TAOK3: variants seen among roughly 807,000 people sequenced by gnomAD.
TAOK3 encodes TAO kinase 3.
In TAOK3, 40 loss-of-function variants were observed where a neutral mutation model predicts 120.4. The ratio of observed to expected loss-of-function variants is 0.33; its 90% CI spans 0.26 to 0.43. The LOEUF (loss-of-function observed/expected upper bound fraction) is 0.43. Ranked by LOEUF, TAOK3 falls within the 20% of genes least tolerant of loss-of-function variation. TAOK3 has a pLI of 1.00. For synonymous variants in TAOK3, 355 were observed against 387.5 expected, an observed-to-expected ratio of 0.92 and a Z score of 0.99; for missense variants, 821 against 1,112.1, an observed-to-expected ratio of 0.74 and a Z score of 3.72.
chr12:118,293,502 C>G (rs2042558802), intron 1 of TAOK3, among the ~76,000 whole-genome samples: 1 of 151,128 alleles, frequency 6.6e-6, no homozygotes, highest in South Asian at 2.1e-4. Flanking sequence ...CATTAGAAAC[C>G]CAGTTTCTAA....
At position 118,189,844 on chromosome 12, in the gene TAOK3, T is replaced by C. The variant is rs778549752; in HGVS notation, c.1292A>G (p.Asn431Ser). Residue 431 changes from asparagine to serine, a missense_variant, in exon 14 of 21, where the codon AAC becomes AGC. Physicochemically the swap from Asn to Ser is conservative, Grantham distance 46. Around this residue, in one of 2 missense-constraint regions of TAOK3, gnomAD observed 467 missense variants for 540.0 expected, o/e 0.86. Transcript: ENST00000392533. Reference sequence around the variant, plus strand: ...TTTGATCGTGGCAAAGCGCTCTCTGTTCCGGTAGTGGAGGGCCTGGCTCTG... The same window carrying C: ...TTTGATCGTGGCAAAGCGCTCTCTGCTCCGGTAGTGGAGGGCCTGGCTCTG... Reference protein sequence around the residue: ...SVQSQALHYRNRERFATIKSA... With the variant: ...SVQSQALHYRSRERFATIKSA... 2.5e-6 allele frequency: 4 copies of C among 1,614,204 alleles called. No homozygotes were observed. Among genetic ancestry groups the C allele is most frequent in the East Asian group, 2.2e-5 (1 of 44,882 alleles).
chr12:118,237,464 A>G (rs759395741), intron 7 of TAOK3, among the ~76,000 whole-genome samples: 6 of 152,164 alleles, frequency 3.9e-5, no homozygotes, highest in Admixed American at 1.3e-4. Flanking sequence ...GTTGTGGTAG[A>G]GAAAATACAA....
intron 1 of TAOK3, among the ~76,000 whole-genome samples, chr12:118,270,870 G>A (rs1197089879): frequency 6.6e-6 from 1 of 151,596 alleles, no homozygotes; most frequent in African/African-American, 2.4e-5. Context: ...GTAGAGATGG[G>A]GTTTCACCAT....
intron 1 of TAOK3, among the ~76,000 whole-genome samples, chr12:118,279,139 C>T (rs71452644): frequency 0.098 from 14,869 of 152,154 alleles, 1,032 homozygotes; most frequent in Non-Finnish European, 0.15. Flanking sequence ...GATATGGTAT[C>T]TCATTGTGGT....
chr12:118,205,926 CTCT>C (rs1012305475), intron 11 of TAOK3, among the ~76,000 whole-genome samples: 2 of 148,568 alleles, frequency 1.3e-5, no homozygotes, highest in South Asian at 2.1e-4. Context: ...CTCTCTCTCT[CTCT>C]TTTTTTTTTT....
chr12:118,329,975 A>T (rs2044076218), intron 1 of TAOK3, among the ~76,000 whole-genome samples: 1 of 152,216 alleles, frequency 6.6e-6, no homozygotes, highest in South Asian at 2.1e-4. Flanking sequence ...CAATCTTTCC[A>T]TTCAGTCAGA....
chr12:118,175,523 A>AG (rs2036269269), intron 16 of TAOK3, among the ~76,000 whole-genome samples: 1 of 152,114 alleles, frequency 6.6e-6, no homozygotes, highest in African/African-American at 2.4e-5. Flanking sequence ...GCTACTTGGG[A>AG]GGCTGAAGCA....
At chr12:118,268,788 C>A (rs2041569202) in intron 1 of TAOK3, among the ~76,000 whole-genome samples, 1 of 152,142 alleles carries the variant, frequency 6.6e-6, no homozygotes, top group Non-Finnish European at 1.5e-5. Flanking sequence ...GCGGGTGGAT[C>A]ACCTGAGGTC....
At chr12:118,212,182 A>G (rs2038666851) in intron 11 of TAOK3, among the ~76,000 whole-genome samples, 1 of 152,252 alleles carries the variant, frequency 6.6e-6, no homozygotes, top group Non-Finnish European at 1.5e-5. Flanking sequence ...ACTGCTATAC[A>G]ATAAAAGCCA....
chr12:118,365,137 T>G (rs1370551829), intron 1 of TAOK3, among the ~76,000 whole-genome samples: 1 of 152,214 alleles, frequency 6.6e-6, no homozygotes, highest in African/African-American at 2.4e-5. Flanking sequence ...TCTAAGGCCC[T>G]CTCTCCTTCC....
chr12:118,335,781 A>T (rs1016510132), intron 1 of TAOK3, among the ~76,000 whole-genome samples: 3 of 152,238 alleles, frequency 2.0e-5, no homozygotes, highest in Non-Finnish European at 4.4e-5. Flanking sequence ...GTGAGTGGAG[A>T]TGGTGCCACT....
intron 1 of TAOK3, among the ~76,000 whole-genome samples, chr12:118,279,916 C>T (rs1357064303): frequency 6.6e-6 from 1 of 151,802 alleles, no homozygotes; most frequent in East Asian, 1.9e-4. Context: ...TAGGCGCCCG[C>T]CACCACGTCC....
chr12:118,271,357 A>G (rs1278425515), intron 1 of TAOK3, among the ~76,000 whole-genome samples: 1 of 152,062 alleles, frequency 6.6e-6, no homozygotes, highest in East Asian at 1.9e-4. Flanking sequence ...CATTCCCTCC[A>G]TTCCTAAGAA....
intron 1 of TAOK3, among the ~76,000 whole-genome samples, chr12:118,298,777 G>T (rs1472524921): frequency 3.3e-4 from 50 of 152,102 alleles, no homozygotes; most frequent in Non-Finnish European, 2.9e-5. Flanking sequence ...ATAGATATTT[G>T]ACTTTTTCAT....
Position 118,149,935 on chromosome 12 carries a change from A to AT in TAOK3, c.*1061dup, listed in dbSNP as rs1279428638. Reference sequence around the variant, plus strand: ...AAGTAAAGCCTTTTTTTTTTTCATCATTTTTTATTGTAAGAAAATACACAG... The same window carrying AT: ...AAGTAAAGCCTTTTTTTTTTTCATCATTTTTTTATTGTAAGAAAATACACAG... On this transcript the variant is annotated 3_prime_UTR_variant, in exon 21 of 21. Coordinates refer to ENST00000392533, the MANE Select transcript of TAOK3 (RefSeq NM_016281.4). The AT allele has an allele frequency of 3.3e-5, 5 of 149,664 alleles. No homozygotes were observed. Among genetic ancestry groups the AT allele is most frequent in the East Asian group, 3.9e-4 (2 of 5,084 alleles). 9.3% of individuals were successfully genotyped at this position (149,664 alleles called of 1,614,324 possible). A position where few individuals can be genotyped will look rare whatever the true frequency, so the allele number is the denominator to read the frequency against.
intron 1 of TAOK3, among the ~76,000 whole-genome samples, chr12:118,301,138 T>C (rs1322933235): frequency 6.6e-6 from 1 of 152,188 alleles, no homozygotes; most frequent in Non-Finnish European, 1.5e-5. Context: ...CACTTTCAAA[T>C]AGTGATGGTT....
chr12:118,255,550 C>T lies in TAOK3; in HGVS notation c.18G>A (p.Leu6=), dbSNP rs779780610. 3 of 1,613,962 alleles carry T rather than the reference C, an allele frequency of 1.9e-6. No homozygotes were observed. The highest frequency in any genetic ancestry group is 2.5e-6 in the Non-Finnish European group (3 of 1,179,918). MRKGV[L]KDPEIADLFY... is the part of the protein sequence containing the mutation. Reference sequence around the variant, plus strand: ...ATAGATCGGCAATCTCTGGGTCCTTCAGCACCCCTTTACGCATGATGGCCA... The same window carrying T: ...ATAGATCGGCAATCTCTGGGTCCTTTAGCACCCCTTTACGCATGATGGCCA... The change falls in exon 3 of 21, where the codon CTG becomes CTA. Residue 6 remains leucine (L), a synonymous_variant. Transcript: ENST00000392533.
intron 13 of TAOK3, among the ~76,000 whole-genome samples, chr12:118,193,805 C>T (rs2037561513): frequency 6.6e-6 from 1 of 152,180 alleles, no homozygotes; most frequent in Non-Finnish European, 1.5e-5. Context: ...CTCCTCTGGA[C>T]TCAGTTGTGC....
At chr12:118,225,409 T>A (rs1034627410) in intron 9 of TAOK3, among the ~76,000 whole-genome samples, 6 of 144,924 alleles carry the variant, frequency 4.1e-5, no homozygotes, top group Non-Finnish European at 9.0e-5. Context: ...AAAAAAAAAA[T>A]ACCCTTCTTT....
Sources: gnomAD v4.1 joint callset for allele counts (sites outside exome capture counted in the v4.1 genomes callset) on GRCh38, gnomAD v4.1.1 for gene constraint, gnomAD v4.1.1 regional missense constraint, MANE v1.5 for transcripts, NCBI Gene and HGNC (gene_info 2026-07-23, HGNC 2026-07-21) for gene names.